Variants in TRIM44 observed in about 807,000 individuals in gnomAD.
TRIM44 encodes the protein tripartite motif-containing protein 44.
A neutral mutation model predicts 37.4 loss-of-function variants in TRIM44; 13 were observed. The observed-to-expected ratio is 0.35, with a 90% CI of 0.23 to 0.55. TRIM44 has a LOEUF of 0.55. Ranked by LOEUF, TRIM44 falls within the 20% of genes least tolerant of loss-of-function variation. The probability of loss-of-function intolerance (pLI) is 0.89; values close to 1 mark genes in which losing one functional copy is unlikely to be tolerated. For missense variants in TRIM44, 426 were observed against 437.2 expected, an observed-to-expected ratio of 0.97 and a Z score of 0.23; for synonymous variants, 175 against 157.2, an observed-to-expected ratio of 1.11 and a Z score of -0.85.
chr11:35,787,615 C>T (rs1294247446), intron 4 of TRIM44, among the ~76,000 whole-genome samples: 1 of 152,148 alleles, frequency 6.6e-6, no homozygotes, highest in African/African-American at 2.4e-5. Flanking sequence ...TTCTTAGACA[C>T]ATGGCTGCTA....
At chr11:35,704,703 GC>G (rs1851848861) in intron 2 of TRIM44, among the ~76,000 whole-genome samples, 1 of 152,122 alleles carries the variant, frequency 6.6e-6, no homozygotes, top group Non-Finnish European at 1.5e-5. Flanking sequence ...TTACAGACAA[GC>G]AAATGCTGAG....
chr11:35,804,224 C>A (rs987374539), intron 4 of TRIM44, among the ~76,000 whole-genome samples: 2 of 152,140 alleles, frequency 1.3e-5, no homozygotes, highest in Admixed American at 1.3e-4. Flanking sequence ...GGCCCAAGAA[C>A]ACGTCTCTTT....
intron 4 of TRIM44, among the ~76,000 whole-genome samples, chr11:35,789,299 T>G (rs1443915037): frequency 6.6e-6 from 1 of 152,162 alleles, no homozygotes; most frequent in Non-Finnish European, 1.5e-5. Flanking sequence ...TTGAGTCTGA[T>G]TGGGACTGAG....
intron 2 of TRIM44, among the ~76,000 whole-genome samples, chr11:35,716,886 C>T (rs567185807): frequency 6.6e-6 from 1 of 152,140 alleles, no homozygotes; most frequent in Non-Finnish European, 1.5e-5. Flanking sequence ...TCTTCAATTT[C>T]TTCATCTGTA....
intron 2 of TRIM44, among the ~76,000 whole-genome samples, chr11:35,690,881 T>G (rs1287289377): frequency 3.9e-5 from 6 of 152,234 alleles, no homozygotes; most frequent in African/African-American, 1.4e-4. Context: ...GGACCAGGGC[T>G]TAACTCGAGA....
At chr11:35,678,133 G>T (rs187499461) in intron 1 of TRIM44, among the ~76,000 whole-genome samples, 1 of 152,206 alleles carries the variant, frequency 6.6e-6, no homozygotes, top group Non-Finnish European at 1.5e-5. Context: ...GTAGGCTGTG[G>T]TAAGGATTTT....
intron 4 of TRIM44, among the ~76,000 whole-genome samples, chr11:35,794,613 G>A (rs1409794836): frequency 6.6e-6 from 1 of 152,184 alleles, no homozygotes; most frequent in African/African-American, 2.4e-5. Context: ...AGCTCCAGTG[G>A]TTATGTGTGC....
At chr11:35,706,970 A>T (rs1318958071) in intron 2 of TRIM44, among the ~76,000 whole-genome samples, 1 of 151,874 alleles carries the variant, frequency 6.6e-6, no homozygotes, top group Non-Finnish European at 1.5e-5. Context: ...AGGAAGTCAA[A>T]TTGTCCCTGT....
intron 4 of TRIM44, among the ~76,000 whole-genome samples, chr11:35,773,607 G>T (rs1313817010): frequency 2.0e-5 from 3 of 152,076 alleles, no homozygotes; most frequent in African/African-American, 7.2e-5. Flanking sequence ...ATCTCCCAGT[G>T]CTATCCCTCC....
chr11:35,691,623 T>G (rs957657651), intron 2 of TRIM44, among the ~76,000 whole-genome samples: 4 of 152,164 alleles, frequency 2.6e-5, no homozygotes, highest in Non-Finnish European at 5.9e-5. Flanking sequence ...AATAGGCTTA[T>G]TTATTTTATT....
chr11:35,753,255 G>T (rs1252831226), intron 4 of TRIM44, among the ~76,000 whole-genome samples: 6 of 152,166 alleles, frequency 3.9e-5, no homozygotes, highest in African/African-American at 9.7e-5. Context: ...AAACATTAAG[G>T]TGTTATAGAC....
intron 1 of TRIM44, among the ~76,000 whole-genome samples, chr11:35,670,346 A>G (rs1157808619): frequency 2.6e-5 from 4 of 152,166 alleles, no homozygotes; most frequent in Non-Finnish European, 5.9e-5. Context: ...TTTCCTCTTG[A>G]TGACTTCTGT....
At chr11:35,720,416 C>CCT (rs1554930560) in intron 2 of TRIM44, among the ~76,000 whole-genome samples, 2 of 137,244 alleles carry the variant, frequency 1.5e-5, no homozygotes, top group African/African-American at 5.2e-5. Context: ...AGGTTTTTTT[C>CCT]TTTTTTTTTT....
chr11:35,677,821 G>GAT (rs1460201006), intron 1 of TRIM44, among the ~76,000 whole-genome samples: 2 of 152,170 alleles, frequency 1.3e-5, no homozygotes, highest in Non-Finnish European at 2.9e-5. Flanking sequence ...AATGATAAGT[G>GAT]ATATTTTAAA....
chr11:35,703,894 A>C (rs1267211756), intron 2 of TRIM44, among the ~76,000 whole-genome samples: 5 of 152,260 alleles, frequency 3.3e-5, no homozygotes, highest in Non-Finnish European at 7.3e-5. Context: ...CCAGCAACGG[A>C]ACAAAGCTGG....
At chr11:35,679,444 A>G (rs1851500785) in intron 1 of TRIM44, among the ~76,000 whole-genome samples, 1 of 152,188 alleles carries the variant, frequency 6.6e-6, no homozygotes, top group African/African-American at 2.4e-5. Context: ...CCCAATTTTC[A>G]TGGTGTTCAA....
At chr11:35,673,194 G>A (rs1203612726) in intron 1 of TRIM44, among the ~76,000 whole-genome samples, 2 of 152,140 alleles carry the variant, frequency 1.3e-5, no homozygotes, top group Non-Finnish European at 2.9e-5. Flanking sequence ...GTAAGAATGA[G>A]TTGGTGTGGC....
chr11:35,728,916 G>A (rs1175152543), intron 3 of TRIM44, among the ~76,000 whole-genome samples: 1 of 152,090 alleles, frequency 6.6e-6, no homozygotes. Context: ...AAAGCAAATT[G>A]CAGCTTCTGG....
At chr11:35,686,374 GTTTTTT>G (rs577200341) in intron 2 of TRIM44, among the ~76,000 whole-genome samples, 1 of 133,374 alleles carries the variant, frequency 7.5e-6, no homozygotes, top group Non-Finnish European at 1.6e-5. Flanking sequence ...TTTTGTTTTT[GTTTTTT>G]TTTTTTTTAA....
Sources: allele counts gnomAD v4.1 joint callset (sites outside exome capture counted in the v4.1 genomes callset), GRCh38; gene constraint gnomAD v4.1.1; transcripts MANE v1.5; gene names NCBI Gene and HGNC (gene_info 2026-07-23, HGNC 2026-07-21).